AOPEP: variants seen among roughly 807,000 people sequenced by gnomAD.
AOPEP encodes aminopeptidase O (putative), also known as aminopeptidase O.
AOPEP carries 77 observed loss-of-function variants against 98.1 expected under a neutral mutation model. That is an observed-to-expected ratio of 0.78 (90% CI 0.65 to 0.95). The LOEUF is 0.95. AOPEP is among the 40% of genes least tolerant of loss of function. The pLI is 0.00. For synonymous variants in AOPEP, 346 were observed against 365.3 expected (o/e 0.95, Z 0.60); for missense variants, 1,024 against 1,024.7 (o/e 1.00, Z 0.01).
intron 5 of AOPEP, among the ~76,000 whole-genome samples, chr9:94,827,896 C>G (rs1257878629): frequency 6.6e-6 from 1 of 152,078 alleles, no homozygotes; most frequent in Admixed American, 6.5e-5. Flanking sequence ...CTCAGATTCT[C>G]TAGTGATATT....
chr9:94,821,801 A>G (rs1217732074), intron 5 of AOPEP, among the ~76,000 whole-genome samples: 1 of 152,216 alleles, frequency 6.6e-6, no homozygotes, highest in Non-Finnish European at 1.5e-5. Flanking sequence ...AATGGGAGGC[A>G]AGCAATAGAT....
intron 5 of AOPEP, among the ~76,000 whole-genome samples, chr9:94,819,335 G>A (rs1275556462): frequency 6.6e-6 from 1 of 152,198 alleles, no homozygotes; most frequent in Non-Finnish European, 1.5e-5. Context: ...CTTCCAAATA[G>A]AGCCAGAGAG....
At chr9:95,135,349 C>G in the AOPEP span, 1 of 1,613,856 alleles carries the variant, frequency 6.2e-7, no homozygotes, top group Non-Finnish European at 8.5e-7. Context: ...TACGTACCAG[C>G]GATGAATCTT....
At chr9:94,979,819 G>A (rs1025473395) in intron 11 of AOPEP, among the ~76,000 whole-genome samples, 14 of 152,206 alleles carry the variant, frequency 9.2e-5, no homozygotes, top group African/African-American at 3.4e-4. Context: ...CTGCTCTTTG[G>A]ATGCGGCCCA....
chr9:95,117,578 C>CT, the AOPEP span, among the ~76,000 whole-genome samples: 2 of 139,290 alleles, frequency 1.4e-5, no homozygotes, highest in Non-Finnish European at 3.1e-5. Context: ...AATAATTAAC[C>CT]TTTTTAAAGT....
chr9:94,728,330 C>A (rs1414739378), intron 1 of AOPEP, among the ~76,000 whole-genome samples: 1 of 151,898 alleles, frequency 6.6e-6, no homozygotes, highest in Admixed American at 6.6e-5. Flanking sequence ...TAAAACCCTG[C>A]TGTTTGGAGT....
chr9:94,762,548 T>C (rs890155301), intron 2 of AOPEP, among the ~76,000 whole-genome samples: 1 of 152,224 alleles, frequency 6.6e-6, no homozygotes, highest in African/African-American at 2.4e-5. Context: ...GATAATTCAG[T>C]AAATATATAT....
At chr9:94,870,058 G>C (rs1167126898) in intron 5 of AOPEP, among the ~76,000 whole-genome samples, 1 of 139,528 alleles carries the variant, frequency 7.2e-6, no homozygotes, top group Admixed American at 7.9e-5. Flanking sequence ...GTGCGATCTC[G>C]GCTCACTGCA....
intron 5 of AOPEP, among the ~76,000 whole-genome samples, chr9:94,836,255 G>A (rs1262915330): frequency 2.6e-5 from 4 of 152,154 alleles, no homozygotes; most frequent in African/African-American, 9.7e-5. Flanking sequence ...TCTGGGAGAG[G>A]GATTGCTGGA....
intron 13 of AOPEP, among the ~76,000 whole-genome samples, chr9:95,053,695 C>A (rs2066584361): frequency 8.2e-6 from 1 of 121,658 alleles, no homozygotes; most frequent in Non-Finnish European, 1.8e-5. Context: ...TAGGTAAGAG[C>A]ATTAATTCAT....
At chr9:95,132,595 A>G in the AOPEP span, among the ~76,000 whole-genome samples, 1 of 152,246 alleles carries the variant, frequency 6.6e-6, no homozygotes, top group Non-Finnish European at 1.5e-5. Context: ...GGCAGACAGC[A>G]TGACTCGACA....
intron 14 of AOPEP, among the ~76,000 whole-genome samples, chr9:95,072,670 A>G (rs2068630034): frequency 6.6e-6 from 1 of 152,214 alleles, no homozygotes; most frequent in South Asian, 2.1e-4. Flanking sequence ...AGAGTGGTTC[A>G]AGTTGTGAGG....
chr9:95,006,695 C>A (rs766458475), intron 13 of AOPEP, among the ~76,000 whole-genome samples: 1 of 151,982 alleles, frequency 6.6e-6, no homozygotes, highest in Non-Finnish European at 1.5e-5. Flanking sequence ...TATGTCACTT[C>A]AGTTGAAGAA....
At chr9:95,067,578 C>T (rs2068042090) in intron 14 of AOPEP, among the ~76,000 whole-genome samples, 1 of 152,304 alleles carries the variant, frequency 6.6e-6, no homozygotes, top group Middle Eastern at 3.4e-3. Context: ...GCTCTCAGGG[C>T]ACCAGGTAGT....
intron 3 of AOPEP, among the ~76,000 whole-genome samples, chr9:94,783,158 G>A (rs969531482): frequency 6.6e-6 from 1 of 152,198 alleles, no homozygotes; most frequent in African/African-American, 2.4e-5. Context: ...AACAAGCCTG[G>A]TGGGGCATAT....
chr9:94,745,308 G>A (rs989938327), intron 1 of AOPEP, among the ~76,000 whole-genome samples: 8 of 150,910 alleles, frequency 5.3e-5, no homozygotes, highest in African/African-American at 2.0e-4. Flanking sequence ...ACAGAGTCTG[G>A]CTCTGTCGCC....
chr9:95,016,896 C>T (rs939185267), intron 13 of AOPEP, among the ~76,000 whole-genome samples: 35 of 151,802 alleles, frequency 2.3e-4, no homozygotes, highest in African/African-American at 7.3e-4. Context: ...CCACCACTCC[C>T]GACCCTGGCA....
At chr9:95,142,056 G>A in the AOPEP span, among the ~76,000 whole-genome samples, 10 of 124,860 alleles carry the variant, frequency 8.0e-5, no homozygotes, top group Middle Eastern at 0.013. Context: ...GCAATGGCAC[G>A]ATCTCGGCTC....
chr9:94,925,187 C>T (rs767458021), intron 6 of AOPEP, among the ~76,000 whole-genome samples: 4 of 152,160 alleles, frequency 2.6e-5, no homozygotes, highest in South Asian at 4.1e-4. Context: ...ACGGGGGTTT[C>T]GCCATATTGG....
Sources: allele counts gnomAD v4.1 joint callset (sites outside exome capture counted in the v4.1 genomes callset), GRCh38; gene constraint gnomAD v4.1.1; transcripts MANE v1.5; gene names NCBI Gene and HGNC (gene_info 2026-07-23, HGNC 2026-07-21).